Variants in MRAP2 observed in about 807,000 individuals in gnomAD.
MRAP2 encodes melanocortin 2 receptor accessory protein 2, also known as melanocortin-2 receptor accessory protein 2.
Under a neutral mutation model 17.4 loss-of-function variants are expected in MRAP2, and 20 were observed. The observed-to-expected ratio is 1.15, with a 90% CI of 0.81 to 1.67. The LOEUF (loss-of-function observed/expected upper bound fraction) is 1.67, where lower values mean the gene tolerates loss of function less well. MRAP2 is among the 40% of genes most tolerant of loss of function. The probability of loss-of-function intolerance (pLI) is 0.00; values close to 1 mark genes in which losing one functional copy is unlikely to be tolerated. For missense variants in MRAP2, 238 were observed against 240.0 expected (o/e 0.99, Z 0.05); for synonymous variants, 96 against 88.4 (o/e 1.09, Z -0.48).
At chr6:84,106,018 C>A in the MRAP2 span, among the ~76,000 whole-genome samples, 1 of 152,124 alleles carries the variant, frequency 6.6e-6, no homozygotes, top group African/African-American at 2.4e-5. Flanking sequence ...ACATATTAGA[C>A]ACTGATTCAG....
At chr6:84,052,788 T>A in intron 1 of MRAP2, 1 of 985,180 alleles carries the variant, frequency 1.0e-6, no homozygotes, top group Non-Finnish European at 1.2e-6. Context: ...GTAGGCTGGC[T>A]CTGGTATTCA....
At chr6:84,071,497 C>T (rs1167941809) in intron 3 of MRAP2, among the ~76,000 whole-genome samples, 1 of 152,190 alleles carries the variant, frequency 6.6e-6, no homozygotes, top group African/African-American at 2.4e-5. Flanking sequence ...ATGCTTCTGT[C>T]TCACAGCTCT....
chr6:84,059,059 T>C (rs2099492409), intron 2 of MRAP2, among the ~76,000 whole-genome samples: 1 of 152,126 alleles, frequency 6.6e-6, no homozygotes, highest in African/African-American at 2.4e-5. Context: ...AGAGTGTGGC[T>C]GGGTGAGACA....
intron 3 of MRAP2, among the ~76,000 whole-genome samples, chr6:84,069,888 A>G (rs2099495761): frequency 1.3e-5 from 2 of 152,046 alleles, no homozygotes; most frequent in South Asian, 2.1e-4. Flanking sequence ...GTAAAGGTTC[A>G]TAGTAGCTTT....
intron 3 of MRAP2, among the ~76,000 whole-genome samples, chr6:84,064,043 T>TAAA (rs200016109): frequency 0.013 from 1,971 of 148,040 alleles, 49 homozygotes; most frequent in African/African-American, 0.047. Context: ...AGACTCTGTC[T>TAAA]AAAAAAAAGA....
intron 3 of MRAP2, among the ~76,000 whole-genome samples, chr6:84,083,095 A>G (rs1165130383): frequency 6.6e-6 from 1 of 152,188 alleles, no homozygotes; most frequent in Non-Finnish European, 1.5e-5. Flanking sequence ...TGCGTCAGAA[A>G]TAAAGGCTTT....
chr6:84,108,942 CT>C, the MRAP2 span, among the ~76,000 whole-genome samples: 11 of 152,182 alleles, frequency 7.2e-5, no homozygotes, highest in East Asian at 1.4e-3. Flanking sequence ...TCCTTTCCCC[CT>C]GGCTTGTTTT....
intron 1 of MRAP2, among the ~76,000 whole-genome samples, chr6:84,047,550 A>G (rs867137841): frequency 7.9e-5 from 12 of 152,188 alleles, no homozygotes; most frequent in Admixed American, 5.2e-4. Flanking sequence ...TTAAAAACGC[A>G]TAATATAAAA....
At chr6:84,125,739 G>A in the MRAP2 span, among the ~76,000 whole-genome samples, 1 of 152,102 alleles carries the variant, frequency 6.6e-6, no homozygotes, top group Non-Finnish European at 1.5e-5. Flanking sequence ...GCTGGAAAGA[G>A]AGCCCTCACC....
At chr6:84,070,139 G>T (rs9449771) in intron 3 of MRAP2, among the ~76,000 whole-genome samples, 7,925 of 151,898 alleles carry the variant, frequency 0.052, 670 homozygotes, top group African/African-American at 0.18. Flanking sequence ...GCTGGGTTTG[G>T]GTTTGGTTTG....
Position 84,089,807 on chromosome 6 carries a change from G to T in MRAP2, c.*326G>T. On this transcript the variant is annotated 3_prime_UTR_variant, in exon 4 of 4. Transcript: ENST00000257776. The stretch of plus-strand genomic sequence containing the variant: ...AATTTTAAACTTTATTAAAACATGA[G>T]TTTTGTTTTTTTTTTTGCTATTTTT... 1.4e-5 allele frequency: 3 copies of T among 210,638 alleles called. No individual in the cohort carries two copies. The highest frequency in any genetic ancestry group is 1.7e-5 in the Non-Finnish European group (2 of 115,134). 13.0% of individuals were successfully genotyped at this position (210,638 alleles called of 1,614,324 possible). A position where few individuals can be genotyped will look rare whatever the true frequency, so the allele number is the denominator to read the frequency against.
the MRAP2 span, among the ~76,000 whole-genome samples, chr6:84,115,914 G>C: frequency 3.3e-5 from 5 of 152,080 alleles, no homozygotes; most frequent in Non-Finnish European, 7.4e-5. Context: ...TGCACCCACT[G>C]TCCAACCAGT....
chr6:84,144,995 C>T, the MRAP2 span, among the ~76,000 whole-genome samples: 1 of 152,066 alleles, frequency 6.6e-6, no homozygotes, highest in African/African-American at 2.4e-5. Flanking sequence ...CTGGAAACAT[C>T]AGTTATACTA....
intron 2 of MRAP2, among the ~76,000 whole-genome samples, chr6:84,059,765 G>A (rs1164944029): frequency 6.6e-6 from 1 of 152,138 alleles, no homozygotes; most frequent in Non-Finnish European, 1.5e-5. Context: ...TGGCGGTGGT[G>A]GAAACTCGTT....
chr6:84,139,673 C>G, the MRAP2 span, among the ~76,000 whole-genome samples: 3 of 152,156 alleles, frequency 2.0e-5, no homozygotes, highest in African/African-American at 7.2e-5. Flanking sequence ...CTATAGCAGT[C>G]AGTCAAGAAA....
At chr6:84,082,331 A>G (rs2099499199) in intron 3 of MRAP2, among the ~76,000 whole-genome samples, 1 of 152,180 alleles carries the variant, frequency 6.6e-6, no homozygotes, top group Non-Finnish European at 1.5e-5. Flanking sequence ...TCGTATTAGT[A>G]TACTTTTAAT....
chr6:84,127,874 A>C, the MRAP2 span, among the ~76,000 whole-genome samples: 14 of 152,202 alleles, frequency 9.2e-5, no homozygotes, highest in African/African-American at 2.2e-4. Context: ...GAAGAGAAGA[A>C]GGGCCACAGA....
chr6:84,130,538 T>C, the MRAP2 span, among the ~76,000 whole-genome samples: 1 of 152,284 alleles, frequency 6.6e-6, no homozygotes, highest in African/African-American at 2.4e-5. Flanking sequence ...TTTCAGAACT[T>C]GTTATTGGTC....
chr6:84,085,461 C>T (rs1232368480), intron 3 of MRAP2, among the ~76,000 whole-genome samples: 6 of 152,162 alleles, frequency 3.9e-5, no homozygotes, highest in Admixed American at 2.6e-4. Flanking sequence ...TAAATCTTGT[C>T]AGGAAAATGT....
Sources: allele counts gnomAD v4.1 joint callset (sites outside exome capture counted in the v4.1 genomes callset), GRCh38; gene constraint gnomAD v4.1.1; transcripts MANE v1.5; gene names NCBI Gene and HGNC (gene_info 2026-07-23, HGNC 2026-07-21).